Variants in TENM1 observed in about 807,000 individuals in gnomAD.
TENM1 encodes the protein teneurin-1.
Under a neutral mutation model 174.8 loss-of-function variants are expected in TENM1, and 35 were observed. That is an observed-to-expected ratio of 0.20 (90% CI 0.15 to 0.27). TENM1 has a LOEUF of 0.27. TENM1 is among the 10% of genes least tolerant of loss of function. The pLI, the probability that TENM1 is intolerant of heterozygous loss-of-function variation, is 1.00. For synonymous variants in TENM1, 781 were observed against 798.7 expected (o/e 0.98, Z 0.37); for missense variants, 1,633 against 2,130.1 (o/e 0.77, Z 4.59).
intron 11 of TENM1, among the ~76,000 whole-genome samples, chrX:124,592,886 T>C (rs1231844173): frequency 9.0e-6 from 1 of 110,583 alleles, no homozygotes; most frequent in Non-Finnish European, 1.9e-5. Context: ...TGCACTTCTC[T>C]TAGCAGGTTT....
chrX:125,116,288 A>G, the TENM1 span, among the ~76,000 whole-genome samples: 1 of 112,336 alleles, frequency 8.9e-6, no homozygotes, highest in Non-Finnish European at 1.9e-5. Context: ...AAAACCCTAG[A>G]AGAGAACCTA....
At position 124,480,859 on chromosome X, in the gene TENM1, T is replaced by C. The variant is rs190392783; in HGVS notation, c.3949+873A>G. Among the ~76,000 whole-genome samples, 10 of 110,997 alleles carry C rather than the reference T, an allele frequency of 9.0e-5. No individual in the cohort carries two copies. In the East Asian group the frequency reaches 2.0e-3, roughly 22 times the overall value. On this transcript the variant is annotated intron_variant, in intron 22 of 31. Transcript: ENST00000422452. ...CATACACACACATACACAAACATCT[T>C]AGAGAAGGAACTGAGAAGAGCAGTT... is the stretch of plus-strand genomic sequence containing the variant.
chrX:124,738,255 G>A lies in TENM1; in HGVS notation c.536-1058C>T, dbSNP rs756702919. On this transcript the variant is annotated intron_variant, in intron 3 of 31. Transcript: ENST00000422452. Reference sequence around the variant, plus strand: ...ACTGAGAGTTGAAAAGCAGAAAAACGCCAGAGGCTTTCGATGCCTAGCAAA... The same window carrying A: ...ACTGAGAGTTGAAAAGCAGAAAAACACCAGAGGCTTTCGATGCCTAGCAAA... Among the ~76,000 whole-genome samples, 140 of 111,431 alleles carry A rather than the reference G, an allele frequency of 1.3e-3. 1 individual carries two copies. Among genetic ancestry groups the A allele is most frequent in the Non-Finnish European group, 2.2e-3 (118 of 53,140 alleles).
the TENM1 span, among the ~76,000 whole-genome samples, chrX:124,969,553 T>C: frequency 8.9e-6 from 1 of 112,549 alleles, no homozygotes; most frequent in South Asian, 3.7e-4. Context: ...CCAGGTGCTA[T>C]ATTAGTGCTT....
At chrX:125,032,665 C>G in the TENM1 span, among the ~76,000 whole-genome samples, 13 of 111,332 alleles carry the variant, frequency 1.2e-4, no homozygotes, top group African/African-American at 4.2e-4. Context: ...GCAAGGTTTC[C>G]TCCAAACAGT....
rs184119844 is a variant in TENM1, at chrX:124,693,990, G to A, written c.1015+11023C>T. Among the ~76,000 whole-genome samples, 4 of 110,860 alleles carry A rather than the reference G, an allele frequency of 3.6e-5. No homozygotes were observed. The East Asian group carries it at 1.1e-3, about 32-fold the overall frequency. On this transcript the variant is annotated intron_variant, in intron 5 of 31. Coordinates refer to ENST00000422452, the Ensembl canonical transcript of TENM1. The stretch of plus-strand genomic sequence containing the variant: ...AAAATCAATAATGGCTTTTGGATAG[G>A]GGGTTTGGTAGGTCGCTTAATTTTG...
chrX:125,159,978 T>A, the TENM1 span, among the ~76,000 whole-genome samples: 1 of 110,109 alleles, frequency 9.1e-6, no homozygotes, highest in Admixed American at 9.7e-5. Context: ...GGCCGGCAGA[T>A]CACTTGAGGT....
chrX:124,517,681 GA>G (rs1381122522), intron 18 of TENM1, among the ~76,000 whole-genome samples: 1 of 68,131 alleles, frequency 1.5e-5, no homozygotes, highest in Non-Finnish European at 2.6e-5. Flanking sequence ...GGGGAGGGGG[GA>G]GGGATAGCAT....
intron 4 of TENM1, among the ~76,000 whole-genome samples, chrX:124,734,483 T>TAAAC (rs2053628752): frequency 9.0e-6 from 1 of 110,537 alleles, no homozygotes; most frequent in Non-Finnish European, 1.9e-5. Context: ...AATAAATAAA[T>TAAAC]AAATACAGAA....
At chrX:124,753,223 C>T (rs1245122451) in intron 3 of TENM1, among the ~76,000 whole-genome samples, 2 of 110,466 alleles carry the variant, frequency 1.8e-5, no homozygotes, top group African/African-American at 3.3e-5. Context: ...AATTTGGATT[C>T]CTAGGTATTT....
At chrX:124,896,275 G>T (rs376214349) in intron 1 of TENM1, 34 bp from the exon 5 acceptor site, 2 of 1,170,849 alleles carry the variant, frequency 1.7e-6, no homozygotes, top group Non-Finnish European at 2.3e-6. Flanking sequence ...AAAACGTTTA[G>T]AAGTATGAAG....
At chrX:124,895,213 G>A (rs2057543033) in intron 2 of TENM1, among the ~76,000 whole-genome samples, 1 of 111,450 alleles carries the variant, frequency 9.0e-6, no homozygotes, top group South Asian at 3.8e-4. Flanking sequence ...AAGCCTTGTG[G>A]TCATGGTAAT....
intron 9 of TENM1, 111 bp downstream of exon 12, chrX:124,646,598 C>T (rs1602896307): frequency 1.9e-6 from 1 of 526,932 alleles, no homozygotes; most frequent in Non-Finnish European, 3.2e-6. Flanking sequence ...AACACTGCTG[C>T]TGTTGCTGTC....
chrX:124,826,058 C>G (rs1253080384), intron 3 of TENM1, among the ~76,000 whole-genome samples: 2 of 111,242 alleles, frequency 1.8e-5, no homozygotes, highest in South Asian at 7.6e-4. Context: ...GCTGGAAGCT[C>G]TACTGCTGAA....
At chrX:124,991,441 TTG>T in the TENM1 span, among the ~76,000 whole-genome samples, 1 of 109,402 alleles carries the variant, frequency 9.1e-6, no homozygotes, top group Non-Finnish European at 1.9e-5. Context: ...ATCCATGTAT[TTG>T]TGAGTGTGAG....
At chrX:124,677,380 T>C (rs898733168) in intron 5 of TENM1, among the ~76,000 whole-genome samples, 1 of 111,640 alleles carries the variant, frequency 9.0e-6, no homozygotes, top group Non-Finnish European at 1.9e-5. Flanking sequence ...TTTTTCTGTT[T>C]CTGGTACCTA....
At chrX:124,943,205 G>C (rs1395295450) in intron 1 of TENM1, among the ~76,000 whole-genome samples, 1 of 111,186 alleles carries the variant, frequency 9.0e-6, no homozygotes, top group Non-Finnish European at 1.9e-5. Flanking sequence ...CATGAGTTTT[G>C]ACCCAGTGAT....
chrX:125,201,202 CTA>C, the TENM1 span, among the ~76,000 whole-genome samples: 1 of 111,991 alleles, frequency 8.9e-6, no homozygotes, highest in Non-Finnish European at 1.9e-5. Context: ...GGATCAATGA[CTA>C]TGAGGGAAAC....
chrX:124,915,440 G>A (rs990438244), intron 1 of TENM1, among the ~76,000 whole-genome samples: 1 of 105,510 alleles, frequency 9.5e-6, no homozygotes. Flanking sequence ...CAGGAGAATC[G>A]CTGGAACCCA....
Sources: gnomAD v4.1 joint callset for allele counts (sites outside exome capture counted in the v4.1 genomes callset) on GRCh38, gnomAD v4.1.1 for gene constraint, MANE v1.5 for transcripts, NCBI Gene and HGNC (gene_info 2026-07-23, HGNC 2026-07-21) for gene names.